The following MORN5 variants were observed in gnomAD, a reference collection of about 807,000 sequenced individuals.
MORN5 encodes the protein MORN repeat-containing protein 5.
Under a neutral mutation model 22.1 loss-of-function variants are expected in MORN5, and 21 were observed. The observed-to-expected ratio is 0.95, with a 90% CI of 0.67 to 1.37. The LOEUF is 1.37. Ranked by LOEUF, MORN5 falls within the 40% of genes most tolerant of loss-of-function variation. The pLI is 0.00. For synonymous variants in MORN5, 73 were observed against 74.0 expected, an observed-to-expected ratio of 0.99 and a Z score of 0.07; for missense variants, 211 against 215.1, an observed-to-expected ratio of 0.98 and a Z score of 0.12.
intron 2 of MORN5, among the ~76,000 whole-genome samples, chr9:122,168,821 G>C (rs187860935): frequency 1.4e-3 from 207 of 152,260 alleles, no homozygotes; most frequent in African/African-American, 4.8e-3. Flanking sequence ...GATATATAGA[G>C]ATGTATGGAA....
chr9:122,179,531 C>T (rs924058748), intron 4 of MORN5, among the ~76,000 whole-genome samples: 3 of 152,094 alleles, frequency 2.0e-5, no homozygotes, highest in African/African-American at 7.2e-5. Context: ...GCTGGATGAC[C>T]CTGGGCCAAT....
In MORN5 at chr9:122,197,327, G is replaced by T. The variant is rs549145119; in HGVS notation, c.440-2558G>T. 5.3e-5 allele frequency among the ~76,000 whole-genome samples: 8 copies of T among 152,274 alleles called. No homozygotes were observed. The highest frequency in any genetic ancestry group is 1.9e-4 in the African/African-American group (8 of 41,546). On this transcript the variant is annotated intron_variant, in intron 4 of 4. Transcript: ENST00000373764. The surrounding 1 kb of genome is among the most constrained non-coding windows in gnomAD (Gnocchi z 5.7). Reference sequence around the variant, plus strand: ...AAAAAGGGGAGAAATTATCTGAGAAGGTGAAGATATTCTCAGACAATCATA... The same window carrying T: ...AAAAAGGGGAGAAATTATCTGAGAATGTGAAGATATTCTCAGACAATCATA...
chr9:122,160,012 G>A lies in MORN5; in HGVS notation c.40G>A (p.Asp14Asn). 2 of 1,613,782 alleles carry A rather than the reference G, an allele frequency of 1.2e-6. No homozygotes were observed. Among genetic ancestry groups the A allele is most frequent in the Non-Finnish European group, 1.7e-6 (2 of 1,179,890 alleles). ...GAGCAAATATATCGGGGAATATGTA[G>A]ATGGGAGGTAAGGGGCTCATTTGAT... ...TGSKYIGEYV[D>N]GRMEGKAKYI... is the part of the protein sequence containing the mutation. Residue 14 changes from aspartate (D) to asparagine (N), a missense_variant, in exon 1 of 5, where the codon GAT (aspartate) becomes AAT (asparagine). Asp to Asn is a conservative substitution (Grantham distance 23). Transcript: ENST00000373764.
At chr9:122,189,999 G>A (rs1440207119) in intron 4 of MORN5, among the ~76,000 whole-genome samples, 1 of 151,872 alleles carries the variant, frequency 6.6e-6, no homozygotes, top group African/African-American at 2.4e-5. Context: ...ATTTCCAAGG[G>A]TCATTATGAC....
At chr9:122,179,428 G>A (rs541041800) in intron 4 of MORN5, among the ~76,000 whole-genome samples, 1 of 152,276 alleles carries the variant, frequency 6.6e-6, no homozygotes, top group South Asian at 2.1e-4. Context: ...CTGGTAAGAT[G>A]ATGGGAGAGA....
intron 4 of MORN5, among the ~76,000 whole-genome samples, chr9:122,186,561 G>A (rs907581565): frequency 6.6e-6 from 1 of 152,056 alleles, no homozygotes; most frequent in African/African-American, 2.4e-5. Context: ...CCAGCTTGCC[G>A]CCTCTCCCTG....
chr9:122,194,328 G>A (rs1440329887), intron 4 of MORN5, among the ~76,000 whole-genome samples: 1 of 152,210 alleles, frequency 6.6e-6, no homozygotes, highest in Non-Finnish European at 1.5e-5. Context: ...GGATATCATA[G>A]TGAACAAGCA....
rs1829416549 is a variant in MORN5, at chr9:122,174,502, C to T, written c.314C>T (p.Ala105Val). 3.7e-6 allele frequency: 6 copies of T among 1,613,818 alleles called. No individual in the cohort carries two copies. Among genetic ancestry groups the T allele is most frequent in the Non-Finnish European group, 5.1e-6 (6 of 1,179,948 alleles). The change falls in exon 4 of 5, where the codon GCT (alanine) becomes GTT (valine). Residue 105 changes from alanine to valine, a missense_variant. Ala to Val is a moderately conservative substitution (Grantham distance 64, BLOSUM62 0). Coordinates refer to ENST00000373764, the MANE Select transcript of MORN5 (RefSeq NM_198469.4). The part of the protein sequence containing the change: ...ILNGLKPAGM[A>V]QLTNMDPPRK... ...CCCATTATGTTCTTTCAAGGTATGG[C>T]TCAACTCACCAATATGGACCCACCT...
rs1251557824 is a variant in MORN5, at chr9:122,197,809, C to T, written c.440-2076C>T. On this transcript the variant is annotated intron_variant, in intron 4 of 4. Transcript: ENST00000373764. This position sits in a 1 kb window ranked among gnomAD's most constrained non-coding sequence, Gnocchi z 5.7. ...ATCAACCAGGCTGCTCACAGTGTGG[C>T]AAAAGTGGGCTCCACCAGCGCTTAA... Among the ~76,000 whole-genome samples the T allele has an allele frequency of 6.6e-6, 1 of 152,194 alleles. No individual in the cohort carries two copies. Among genetic ancestry groups the T allele is most frequent in the Non-Finnish European group, 1.5e-5 (1 of 68,032 alleles).
chr9:122,184,217 G>A (rs558126989), intron 4 of MORN5, among the ~76,000 whole-genome samples: 6 of 152,250 alleles, frequency 3.9e-5, no homozygotes, highest in African/African-American at 9.6e-5. Context: ...GCAGGAGCCC[G>A]AATTCACACT....
intron 4 of MORN5, among the ~76,000 whole-genome samples, chr9:122,177,400 G>A (rs140973760): frequency 1.8e-4 from 27 of 152,290 alleles, no homozygotes; most frequent in African/African-American, 5.3e-4. Context: ...AGTTAAGTAT[G>A]GAAGTCTCAG....
chr9:122,186,600 C>T (rs1417691695), intron 4 of MORN5, among the ~76,000 whole-genome samples: 1 of 152,158 alleles, frequency 6.6e-6, no homozygotes, highest in Non-Finnish European at 1.5e-5. Flanking sequence ...TTGCCATCCT[C>T]TCTCCCCACC....
intron 4 of MORN5, among the ~76,000 whole-genome samples, chr9:122,193,188 C>T (rs1829809261): frequency 6.6e-6 from 1 of 152,120 alleles, no homozygotes; most frequent in Non-Finnish European, 1.5e-5. Context: ...AAATTCACAC[C>T]CCCTTTCCTG....
At chr9:122,169,170 G>A (rs1829330528) in intron 2 of MORN5, among the ~76,000 whole-genome samples, 3 of 152,232 alleles carry the variant, frequency 2.0e-5, no homozygotes, top group South Asian at 2.1e-4. Flanking sequence ...TCAGCCCACC[G>A]ATTAAAATGT....
At chr9:122,173,993 G>A (rs1360349553) in intron 3 of MORN5, among the ~76,000 whole-genome samples, 1 of 152,202 alleles carries the variant, frequency 6.6e-6, no homozygotes, top group Non-Finnish European at 1.5e-5. Flanking sequence ...AAGAGTCAAA[G>A]TTCTCCACCA....
chr9:122,194,185 G>T (rs886155962), intron 4 of MORN5, among the ~76,000 whole-genome samples: 4 of 152,174 alleles, frequency 2.6e-5, no homozygotes, highest in Non-Finnish European at 4.4e-5. Context: ...AGCGCTCACT[G>T]CTGGTCTCAG....
intron 1 of MORN5, among the ~76,000 whole-genome samples, chr9:122,162,717 CA>C (rs1300278672): frequency 3.3e-5 from 5 of 151,536 alleles, no homozygotes; most frequent in African/African-American, 1.2e-4. Flanking sequence ...AGAAGCCAGA[CA>C]AAAAAAGAGT....
intron 4 of MORN5, among the ~76,000 whole-genome samples, chr9:122,181,829 A>C (rs1379238383): frequency 6.6e-6 from 1 of 152,230 alleles, no homozygotes; most frequent in Non-Finnish European, 1.5e-5. Flanking sequence ...AGAAAAAAAG[A>C]TTAAGTATTC....
chr9:122,189,557 G>A (rs757728095), intron 4 of MORN5, among the ~76,000 whole-genome samples: 2 of 152,088 alleles, frequency 1.3e-5, no homozygotes, highest in African/African-American at 4.8e-5. Flanking sequence ...TGATCACACT[G>A]TGCACTACAG....
Sources: allele counts gnomAD v4.1 joint callset (sites outside exome capture counted in the v4.1 genomes callset), GRCh38; gene constraint gnomAD v4.1.1; non-coding constraint Gnocchi (gnomAD v3.1); transcripts MANE v1.5; gene names NCBI Gene and HGNC (gene_info 2026-07-23, HGNC 2026-07-21).